The following ADGRA1 variants were observed in gnomAD, a reference collection of about 807,000 sequenced individuals.
ADGRA1 encodes the protein G-protein coupled receptor 123.
A neutral mutation model predicts 21.3 loss-of-function variants in ADGRA1; 12 were observed. That is an observed-to-expected ratio of 0.56 (90% CI 0.36 to 0.91). The LOEUF is 0.91. Ranked by LOEUF, ADGRA1 falls within the 40% of genes least tolerant of loss-of-function variation. The pLI, the probability that ADGRA1 is intolerant of heterozygous loss-of-function variation, is 0.01. For synonymous variants in ADGRA1, 385 were observed against 368.8 expected, an observed-to-expected ratio of 1.04 and a Z score of -0.50; for missense variants, 790 against 805.6, an observed-to-expected ratio of 0.98 and a Z score of 0.23.
chr10:133,127,158 T>C, intron 5 of ADGRA1, 75 bp from the exon 6 acceptor site: 1 of 911,218 alleles, frequency 1.1e-6, no homozygotes, highest in Non-Finnish European at 1.6e-6. Flanking sequence ...CCCCGCGGAG[T>C]GGGGGAGGGA....
In ADGRA1 at chr10:133,111,969, C is replaced by T. The variant is rs1385187296; in HGVS notation, c.401+9127C>T. The stretch of plus-strand genomic sequence containing the variant: ...TCCTAATCCCTCCAGACCACCTGCC[C>T]ACCACAGGCACCTCCCTCCTAATGC... On this transcript the variant is annotated intron_variant, in intron 5 of 6. Transcript: ENST00000392607. Among the ~76,000 whole-genome samples the T allele has an allele frequency of 2.1e-4, 15 of 71,800 alleles. 1 individual carries two copies. Among genetic ancestry groups the T allele is most frequent in the South Asian group, 2.0e-3 (4 of 2,040 alleles). The allele number at this position is 71,800 out of a possible 152,430, so 47.1% of individuals were successfully genotyped here. A position where few individuals can be genotyped will look rare whatever the true frequency, so the allele number is the denominator to read the frequency against.
At chr10:133,094,476 G>A (rs1004259603) in intron 2 of ADGRA1, among the ~76,000 whole-genome samples, 2 of 152,188 alleles carry the variant, frequency 1.3e-5, no homozygotes, top group African/African-American at 4.8e-5. Context: ...CTGAGCAGGA[G>A]TCTGAGTCCT....
intron 5 of ADGRA1, among the ~76,000 whole-genome samples, chr10:133,112,607 TACG>T (rs1388983262): frequency 3.5e-5 from 5 of 143,688 alleles, no homozygotes; most frequent in African/African-American, 5.2e-5. Context: ...ATTTGGAGTC[TACG>T]GGCTACGTCG....
intron 5 of ADGRA1, among the ~76,000 whole-genome samples, chr10:133,109,604 G>A (rs1851950969): frequency 6.6e-6 from 1 of 152,190 alleles, no homozygotes. Context: ...TCTTAAGTGA[G>A]ACCCCGACCT....
In ADGRA1 at chr10:133,095,218, C is replaced by T. The variant is rs150003568; in HGVS notation, c.4-1756C>T. Among the ~76,000 whole-genome samples the T allele has an allele frequency of 1.9e-3, 295 of 152,258 alleles. 3 individuals carry two copies. The highest frequency in any genetic ancestry group is 6.4e-3 in the African/African-American group (268 of 41,556). Reference sequence around the variant, plus strand: ...CTGTTGCAGGAGGCAACTGACGCTTCGGGCTCTGGGGCACTCAGGAGAATC... The same window carrying T: ...CTGTTGCAGGAGGCAACTGACGCTTTGGGCTCTGGGGCACTCAGGAGAATC... On this transcript the variant is annotated intron_variant, in intron 2 of 6. Coordinates refer to ENST00000392607, the MANE Select transcript of ADGRA1 (RefSeq NM_001083909.3).
chr10:133,102,349 A>AG, intron 4 of ADGRA1: 1 of 517,442 alleles, frequency 1.9e-6, no homozygotes, highest in Non-Finnish European at 3.8e-6. Context: ...GTCTGAGCTC[A>AG]GGGGACGTTG....
At chr10:133,098,824 G>C in intron 4 of ADGRA1, 61 bp downstream of exon 4, 1 of 1,558,124 alleles carries the variant, frequency 6.4e-7, no homozygotes, top group South Asian at 1.2e-5. Flanking sequence ...GCGTCGTCTT[G>C]TTTACTAAAT....
At chr10:133,122,426 T>G (rs563344109) in intron 5 of ADGRA1, among the ~76,000 whole-genome samples, 62 of 152,306 alleles carry the variant, frequency 4.1e-4, no homozygotes, top group African/African-American at 1.3e-3. Context: ...CCGGCAGCAC[T>G]CAGGCTGGGC....
chr10:133,121,346 CTG>C (rs1163760169), intron 5 of ADGRA1, among the ~76,000 whole-genome samples: 2 of 152,124 alleles, frequency 1.3e-5, no homozygotes, highest in Non-Finnish European at 2.9e-5. Flanking sequence ...GTGTGAGTGC[CTG>C]TGTGTGTGGA....
rs765247097 is a variant in ADGRA1 at position 133,102,754 on chromosome 10, G to A, written c.313G>A (p.Ala105Thr). ...CACCATGCTGTGGATAGGAGTGACC[G>A]CCAGGAACATCTACAAGCAGGTGAC... is the stretch of plus-strand genomic sequence containing the variant. The part of the protein sequence containing the change: ...LSTMLWIGVT[A>T]RNIYKQVTKK... Residue 105 changes from alanine to threonine, a missense_variant, in exon 5 of 7, where the codon GCC (alanine) becomes ACC (threonine). Physicochemically the swap from Ala to Thr is moderately conservative, Grantham distance 58. This residue lies in a region of ADGRA1 where 382 missense variants were observed against 415.6 expected (regional missense o/e 0.92). Transcript: ENST00000392607. 9.9e-6 allele frequency: 16 copies of A among 1,612,658 alleles called. No homozygotes were observed. The highest frequency in any genetic ancestry group is 1.3e-5 in the Non-Finnish European group (15 of 1,179,804).
At chr10:133,127,166 G>C in intron 5 of ADGRA1, 67 bp from the exon 6 acceptor site, 1 of 1,036,068 alleles carries the variant, frequency 9.7e-7, no homozygotes, top group Non-Finnish European at 1.4e-6. Flanking sequence ...AGTGGGGGAG[G>C]GACAGCGCTG....
intron 5 of ADGRA1, among the ~76,000 whole-genome samples, chr10:133,112,585 G>A (rs943351233): frequency 8.7e-5 from 13 of 149,378 alleles, no homozygotes; most frequent in African/African-American, 2.7e-4. Flanking sequence ...AGGTCTGCGG[G>A]CCGTGTCGGT....
At chr10:133,097,139 A>G (rs370680842) in intron 3 of ADGRA1, 38 bp downstream of exon 3, 13 of 1,599,072 alleles carry the variant, frequency 8.1e-6, no homozygotes, top group Non-Finnish European at 1.0e-5. Flanking sequence ...CCTGTGCCCA[A>G]GAAACCTGCT....
At chr10:133,100,995 T>C (rs1296206821) in intron 4 of ADGRA1, among the ~76,000 whole-genome samples, 1 of 152,206 alleles carries the variant, frequency 6.6e-6, no homozygotes, top group African/African-American at 2.4e-5. Flanking sequence ...CCCGATGAAC[T>C]GTCTGCTCCC....
At chr10:133,103,746 G>A (rs755002544) in intron 5 of ADGRA1, among the ~76,000 whole-genome samples, 13 of 152,320 alleles carry the variant, frequency 8.5e-5, no homozygotes, top group South Asian at 2.1e-4. Flanking sequence ...GGGTCTGGCC[G>A]CGGCCGTGAC....
In ADGRA1 at chr10:133,128,353, C is replaced by T. The variant is rs1281786187; in HGVS notation, c.525C>T (p.Ser175=). The change falls in exon 7 of 7, where the codon AGC becomes AGT. Residue 175 remains serine, a synonymous_variant. Transcript: ENST00000392607. ...GCTGCTGGATGGCCTGGGAGCCCAG[C>T]CTGGGCGCCTTCTACGGCCCAGCCG... The part of the protein sequence containing the change: ...TAYCWMAWEP[S]LGAFYGPAAI... 2 of 1,559,912 alleles carry T rather than the reference C, an allele frequency of 1.3e-6. No homozygotes were observed. Among genetic ancestry groups the T allele is most frequent in the Non-Finnish European group, 1.7e-6 (2 of 1,154,552 alleles).
At chr10:133,095,734 G>A (rs778091201) in intron 2 of ADGRA1, 9 of 1,598,350 alleles carry the variant, frequency 5.6e-6, no homozygotes, top group Non-Finnish European at 7.6e-6. Flanking sequence ...GCCTCAGGAG[G>A]GAAGCAGGAG....
At chr10:133,125,036 C>T (rs570671614) in intron 5 of ADGRA1, among the ~76,000 whole-genome samples, 63 of 152,378 alleles carry the variant, frequency 4.1e-4, no homozygotes, top group Non-Finnish European at 8.2e-4. Flanking sequence ...TCCCCTGGGC[C>T]CCTCTATCTC....
chr10:133,117,180 A>G (rs558955040), intron 5 of ADGRA1, among the ~76,000 whole-genome samples: 66 of 152,172 alleles, frequency 4.3e-4, no homozygotes, highest in Non-Finnish European at 8.1e-4. Flanking sequence ...GCCACATGCT[A>G]TCTGGTCCAG....
Sources: allele counts gnomAD v4.1 joint callset (sites outside exome capture counted in the v4.1 genomes callset), GRCh38; gene constraint gnomAD v4.1.1; regional missense constraint gnomAD v4.1.1; transcripts MANE v1.5; gene names NCBI Gene and HGNC (gene_info 2026-07-23, HGNC 2026-07-21).